Variants in CDC25B observed in about 807,000 individuals in gnomAD.
CDC25B encodes the protein cell division cycle 25B, also known as M-phase inducer phosphatase 2.
In CDC25B, 33 loss-of-function variants were observed where a neutral mutation model predicts 69.8. The observed-to-expected ratio is 0.47, with a 90% CI of 0.36 to 0.63. The LOEUF is 0.63. Ranked by LOEUF, CDC25B falls within the 30% of genes least tolerant of loss-of-function variation. The pLI, the probability that CDC25B is intolerant of heterozygous loss-of-function variation, is 0.00. For synonymous variants in CDC25B, 341 were observed against 314.6 expected (o/e 1.08, Z -0.89); for missense variants, 727 against 809.1 (o/e 0.90, Z 1.23).
At chr20:3,798,802 C>G (rs2089160076) in intron 3 of CDC25B, among the ~76,000 whole-genome samples, 1 of 152,178 alleles carries the variant, frequency 6.6e-6, no homozygotes, top group Non-Finnish European at 1.5e-5. Flanking sequence ...TTGCCTATAC[C>G]CATTTTTTTC....
Position 3,800,482 on chromosome 20 carries a change from G to A in CDC25B, c.443G>A (p.Arg148His), listed in dbSNP as rs371528141. 15 of 1,614,084 alleles carry A rather than the reference G, an allele frequency of 9.3e-6. No individual in the cohort carries two copies. The Admixed American group carries it at 1.3e-4, about 14-fold the overall frequency. ...TGTAGCGAGCAGTTTGCCATCAGAC[G>A]CTTCCAGTCTATGCCGGTGAGTGTC... is the stretch of plus-strand genomic sequence containing the variant. ...IIRNEQFAIRRFQSMPVRLLG... is the reference protein window; with the variant it reads ...IIRNEQFAIRHFQSMPVRLLG... Residue 148 changes from arginine to histidine, a missense_variant, in exon 5 of 16, where the codon CGC becomes CAC. This residue lies in a region of CDC25B where 368 missense variants were observed against 345.6 expected (regional missense o/e 1.06). Transcript: ENST00000245960.
rs1185231292 is a variant in CDC25B at position 3,803,141 on chromosome 20, A to G, written c.1291A>G (p.Ile431Val). ...CCTATTGACGGGCAAGTTCAGCAAC[A>G]TCGTGGATAAGTTTGTGATTGTAGA... The part of the protein sequence containing the change: ...VALLTGKFSN[I>V]VDKFVIVDCR... The change falls in exon 13 of 16, where the codon ATC (isoleucine) becomes GTC (valine). Residue 431 changes from isoleucine (I) to valine (V), a missense_variant. Physicochemically the swap from Ile to Val is conservative, Grantham distance 29. Transcript: ENST00000245960. The surrounding 1 kb of genome is among the most constrained non-coding windows in gnomAD (Gnocchi z 4.9). 1 of 1,611,406 alleles carries G rather than the reference A, an allele frequency of 6.2e-7. No individual in the cohort carries two copies. Among genetic ancestry groups the G allele is most frequent in the East Asian group, 2.2e-5 (1 of 44,866 alleles).
intron 1 of CDC25B, among the ~76,000 whole-genome samples, chr20:3,787,901 G>A (rs1239616199): frequency 1.3e-5 from 2 of 152,152 alleles, no homozygotes; most frequent in African/African-American, 2.4e-5. Flanking sequence ...TTAGGAGGCC[G>A]AAGCAGGCGG....
chr20:3,796,071 G>A (rs1568501869), upstream of CDC25B: 1 of 1,004,534 alleles, frequency 1.0e-6, no homozygotes, highest in Non-Finnish European at 1.2e-6. Context: ...ACCATGTCGC[G>A]AGAGGCGGAT....
rs773763736 is a variant in CDC25B, at chr20:3,803,374, G to C, written c.1357-30G>C. ...GAGGGCCCTGACTCCTGGACCCGGG[G>C]CTGTGCCTGACCTCTGGCTCCTCTG... On this transcript the variant is annotated intron_variant, in intron 13 of 15. Transcript: ENST00000245960. The surrounding 1 kb of genome is among the most constrained non-coding windows in gnomAD (Gnocchi z 4.9). 11 of 1,613,830 alleles carry C rather than the reference G, an allele frequency of 6.8e-6. No homozygotes were observed. The highest frequency in any genetic ancestry group is 9.3e-6 in the Non-Finnish European group (11 of 1,179,954).
At chr20:3,794,191 T>G (rs562796754), upstream of CDC25B, among the ~76,000 whole-genome samples, 2 of 150,776 alleles carry the variant, frequency 1.3e-5, no homozygotes, top group Non-Finnish European at 2.9e-5. Flanking sequence ...TCCACAAGGG[T>G]TGAACTAGTT....
chr20:3,788,142 A>AAAAAGAAAGAAAGAAAGAAAGAAAGAAAG (rs1555771431), intron 1 of CDC25B, among the ~76,000 whole-genome samples: 1 of 149,974 alleles, frequency 6.7e-6, no homozygotes, highest in African/African-American at 2.5e-5. Context: ...ATCTCAAAAA[A>AAAAAGAAAGAAAGAAAGAAAGAAAGAAAG]AAAGAAAGAA....
At chr20:3,794,234 A>G (rs920324513), upstream of CDC25B, among the ~76,000 whole-genome samples, 64 of 150,106 alleles carry the variant, frequency 4.3e-4, no homozygotes, top group African/African-American at 1.5e-3. Flanking sequence ...AAGTGTTCCT[A>G]TTTCTCCACA....
At position 3,790,369 on chromosome 20, in the gene CDC25B, T is replaced by C. The variant is rs1269703433; in HGVS notation, c.8+3230T>C. 2.7e-5 allele frequency among the ~76,000 whole-genome samples: 4 copies of C among 150,802 alleles called. No individual in the cohort carries two copies. In the South Asian group the frequency reaches 8.4e-4, roughly 32 times the overall value. On this transcript the variant is annotated intron_variant, in intron 1 of 15. Transcript: ENST00000344256. ...TGTGCTCAACTGTCACCACAGTCCA[T>C]TTTGGAATTTTTTTTTTTTTTTTTT...
upstream of CDC25B, chr20:3,796,249 C>A (rs1158716673): frequency 5.3e-6 from 7 of 1,310,808 alleles, no homozygotes; most frequent in Non-Finnish European, 6.8e-6. Context: ...TGGTGGCGTC[C>A]GGCGGCGCGG....
chr20:3,792,584 C>T (rs1251418563), upstream of CDC25B, among the ~76,000 whole-genome samples: 2 of 152,240 alleles, frequency 1.3e-5, no homozygotes, highest in Admixed American at 6.5e-5. Context: ...TCTCCTGCCT[C>T]AGCCTCCCGA....
chr20:3,804,865 C>T lies in CDC25B; in HGVS notation c.1647C>T (p.Ala549=), dbSNP rs767452897. 1 of 1,614,196 alleles carries T rather than the reference C, an allele frequency of 6.2e-7. No individual in the cohort carries two copies. The highest frequency in any genetic ancestry group is 8.5e-7 in the Non-Finnish European group (1 of 1,180,020). ...PQDYRPMNHE[A]FKDELKTFRL... ...ACTACCGGCCCATGAACCACGAGGC[C>T]TTCAAGGATGAGCTAAAGACCTTCC... is the stretch of plus-strand genomic sequence containing the variant. The change falls in exon 16 of 16, where the codon GCC becomes GCT. Residue 549 remains alanine (A), a synonymous_variant. Coordinates refer to ENST00000245960, the MANE Select transcript of CDC25B (RefSeq NM_021873.4).
intron 10 of CDC25B, 29 bp from the exon 11 acceptor site, chr20:3,802,252 C>G: frequency 3.1e-6 from 5 of 1,596,404 alleles, no homozygotes; most frequent in Non-Finnish European, 4.3e-6. Context: ...CCCACCCTGA[C>G]CCTGGCCTCC....
At chr20:3,798,587 C>T (rs11569988) in intron 3 of CDC25B, 124 bp downstream of exon 3, 20,241 of 631,432 alleles carry the variant, frequency 0.032, 394 homozygotes, top group African/African-American at 0.046. Context: ...GCTTCAGGAT[C>T]CCCATGGCCG....
intron 4 of CDC25B, 55 bp from the exon 5 acceptor site, chr20:3,800,407 C>T (rs894619445): frequency 1.9e-6 from 3 of 1,613,270 alleles, no homozygotes; most frequent in Non-Finnish European, 2.5e-6. Context: ...GCTGCATGCT[C>T]TTGGTCCCTG....
In CDC25B at chr20:3,796,550, G is replaced by C. The variant is rs1284905190; in HGVS notation, c.19G>C (p.Glu7Gln). The change falls in exon 1 of 16, where the codon GAG (glutamate) becomes CAG (glutamine). Residue 7 changes from glutamate to glutamine, a missense_variant. Coordinates refer to ENST00000245960, the MANE Select transcript of CDC25B (RefSeq NM_021873.4). The part of the protein sequence containing the change: MEVPQP[E>Q]PAPGSALSPA... ...CGCCGCGATGGAGGTGCCCCAGCCGGAGCCCGCGCCAGGCTCGGCTCTCAG... is the reference window on the plus strand; with the variant it reads ...CGCCGCGATGGAGGTGCCCCAGCCGCAGCCCGCGCCAGGCTCGGCTCTCAG... The C allele has an allele frequency of 2.0e-6, 3 of 1,480,996 alleles. No individual in the cohort carries two copies. The East Asian group carries it at 8.6e-5, about 42-fold the overall frequency. 91.7% of individuals were successfully genotyped at this position (1,480,996 alleles called of 1,614,324 possible). A position where few individuals can be genotyped will look rare whatever the true frequency, so the allele number is the denominator to read the frequency against.
intron 1 of CDC25B, among the ~76,000 whole-genome samples, chr20:3,788,363 G>C (rs1254692967): frequency 1.3e-5 from 2 of 152,126 alleles, no homozygotes; most frequent in African/African-American, 4.8e-5. Context: ...TCTTTTTCTT[G>C]ACTTTTAGGA....
At chr20:3,796,263 C>G, upstream of CDC25B, 1 of 1,307,400 alleles carries the variant, frequency 7.6e-7, no homozygotes, top group South Asian at 1.9e-5. Flanking sequence ...GGCGCGGCTG[C>G]TGTTATTTTT....
chr20:3,789,850 A>G (rs948182865), intron 1 of CDC25B, among the ~76,000 whole-genome samples: 17 of 152,120 alleles, frequency 1.1e-4, no homozygotes, highest in Admixed American at 4.6e-4. Flanking sequence ...TTAGCCGGGC[A>G]TGGTGGCGGG....
Sources: allele counts gnomAD v4.1 joint callset (sites outside exome capture counted in the v4.1 genomes callset), GRCh38; gene constraint gnomAD v4.1.1; regional missense constraint gnomAD v4.1.1; non-coding constraint Gnocchi (gnomAD v3.1); transcripts MANE v1.5; gene names NCBI Gene and HGNC (gene_info 2026-07-23, HGNC 2026-07-21).